Variants in AMMECR1 observed in about 807,000 individuals in gnomAD.
AMMECR1 encodes the protein nuclear protein AMMECR1.
A neutral mutation model predicts 22.5 loss-of-function variants in AMMECR1; 3 were observed. The observed-to-expected ratio is 0.13, with a 90% CI of 0.06 to 0.35. The LOEUF is 0.35. AMMECR1 is among the 10% of genes least tolerant of loss of function. The probability of loss-of-function intolerance (pLI) is 1.00; values close to 1 mark genes in which losing one functional copy is unlikely to be tolerated. For missense variants in AMMECR1, 235 were observed against 278.7 expected, an observed-to-expected ratio of 0.84 and a Z score of 1.12; for synonymous variants, 130 against 116.7, an observed-to-expected ratio of 1.11 and a Z score of -0.74.
chrX:110,383,461 C>CT (rs1222619932), intron 2 of AMMECR1, among the ~76,000 whole-genome samples: 1 of 111,322 alleles, frequency 9.0e-6, no homozygotes, highest in African/African-American at 3.3e-5. Flanking sequence ...AATTCTTCTA[C>CT]TGTATATAAG....
chrX:110,366,172 G>A (rs1339639979), intron 2 of AMMECR1, among the ~76,000 whole-genome samples: 3 of 111,643 alleles, frequency 2.7e-5, no homozygotes, highest in Admixed American at 9.5e-5. Context: ...TCCCCAACAT[G>A]ATTCCTAAGC....
rs1172026271 is a variant in AMMECR1 at position 110,240,549 on chromosome X, A to G, written c.585-23917T>C. ...AGCTAACTATCCTAAATATATATGCACCCAATACAGGACCACCGAGATTCA... is the reference window on the plus strand; with the variant it reads ...AGCTAACTATCCTAAATATATATGCGCCCAATACAGGACCACCGAGATTCA... On this transcript the variant is annotated intron_variant, in intron 2 of 5. Coordinates refer to ENST00000262844, the MANE Select transcript of AMMECR1 (RefSeq NM_015365.3). Among the ~76,000 whole-genome samples the G allele has an allele frequency of 9.4e-5, 8 of 85,033 alleles. No individual in the cohort carries two copies. In the Admixed American group the frequency reaches 1.0e-3, roughly 11 times the overall value. The allele number at this position is 85,033 out of a possible 115,157, so 73.8% of individuals were successfully genotyped here. A position where few individuals can be genotyped will look rare whatever the true frequency, so the allele number is the denominator to read the frequency against.
At chrX:110,285,169 C>T (rs759826424) in intron 1 of AMMECR1, among the ~76,000 whole-genome samples, 9 of 112,033 alleles carry the variant, frequency 8.0e-5, no homozygotes, top group African/African-American at 2.3e-4. Context: ...CCTAGAACAC[C>T]ATAAGTACTG....
chrX:110,229,677 G>A (rs1174171802), intron 2 of AMMECR1, among the ~76,000 whole-genome samples: 1 of 112,303 alleles, frequency 8.9e-6, no homozygotes, highest in African/African-American at 3.2e-5. Context: ...ACAGCCCACG[G>A]AGGGCGAGCT....
intron 3 of AMMECR1, among the ~76,000 whole-genome samples, chrX:110,205,986 C>G (rs924201535): frequency 6.2e-5 from 7 of 112,197 alleles, no homozygotes; most frequent in Admixed American, 1.9e-4. Context: ...ATTATACAAT[C>G]TTTTGTTTTT....
At chrX:110,430,094 C>T (rs540298589) in intron 1 of AMMECR1, among the ~76,000 whole-genome samples, 158 of 112,412 alleles carry the variant, frequency 1.4e-3, no homozygotes, top group African/African-American at 4.8e-3. Context: ...TCCAGGAGTT[C>T]TTCCAGTGAA....
chrX:110,214,249 C>T (rs1337617661), intron 3 of AMMECR1, among the ~76,000 whole-genome samples: 1 of 107,858 alleles, frequency 9.3e-6, no homozygotes, highest in Non-Finnish European at 1.9e-5. Flanking sequence ...GGCGACTGAG[C>T]GAGACTCTGT....
chrX:110,266,760 T>C (rs2148199829), intron 1 of AMMECR1, among the ~76,000 whole-genome samples: 1 of 109,232 alleles, frequency 9.2e-6, no homozygotes, highest in African/African-American at 3.3e-5. Context: ...ACATTAGGTA[T>C]ACAGGGGCCA....
intron 1 of AMMECR1, among the ~76,000 whole-genome samples, chrX:110,296,257 C>T (rs1380821115): frequency 2.7e-5 from 3 of 112,077 alleles, no homozygotes; most frequent in African/African-American, 9.7e-5. Flanking sequence ...CCAGTTTCTG[C>T]TGAGAAATTA....
upstream of AMMECR1, chrX:110,318,092 G>A: frequency 2.6e-6 from 3 of 1,165,461 alleles, no homozygotes; most frequent in Non-Finnish European, 3.4e-6. Flanking sequence ...TCTCCCCCAC[G>A]CAGCGTTTCC....
intron 3 of AMMECR1, among the ~76,000 whole-genome samples, chrX:110,214,125 T>C (rs1318003072): frequency 4.5e-5 from 5 of 110,100 alleles, no homozygotes; most frequent in Non-Finnish European, 9.5e-5. Context: ...TAGCCAGTCA[T>C]AGTGGTGGGC....
rs777610803 is a variant in AMMECR1, at chrX:110,318,060, A to G, written c.12T>C (p.Gly4=). 23 of 1,196,522 alleles carry G rather than the reference A, an allele frequency of 1.9e-5. No individual in the cohort carries two copies. The highest frequency in any genetic ancestry group is 2.6e-5 in the Non-Finnish European group (23 of 889,217). Residue 4 remains glycine, a synonymous_variant, in exon 1 of 6, where the codon GGT becomes GGC. Coordinates refer to ENST00000262844, the MANE Select transcript of AMMECR1 (RefSeq NM_015365.3). The part of the protein sequence containing the change: MAA[G]CCGVKKQKLS... ...GTTTCTGCTTCTTCACCCCGCAGCAACCCGCCGCCATCTTGGAACAGTCTC... is the reference window on the plus strand; with the variant it reads ...GTTTCTGCTTCTTCACCCCGCAGCAGCCCGCCGCCATCTTGGAACAGTCTC...
chrX:110,417,213 C>T (rs948256999), intron 2 of AMMECR1, among the ~76,000 whole-genome samples: 1 of 112,170 alleles, frequency 8.9e-6, no homozygotes, highest in African/African-American at 3.2e-5. Context: ...AGAGCCAGGC[C>T]TAGACAATGG....
intron 5 of AMMECR1, among the ~76,000 whole-genome samples, chrX:110,199,323 C>T (rs1377220242): frequency 9.0e-6 from 1 of 110,849 alleles, no homozygotes; most frequent in East Asian, 2.8e-4. Context: ...CTGGTTCTCC[C>T]CTGCCTCTCA....
chrX:110,233,642 T>C (rs1166888399), intron 2 of AMMECR1, among the ~76,000 whole-genome samples: 2 of 112,223 alleles, frequency 1.8e-5, no homozygotes, highest in East Asian at 5.6e-4. Context: ...CACGACCAAG[T>C]TGGCTTCATC....
intron 2 of AMMECR1, among the ~76,000 whole-genome samples, chrX:110,257,501 T>C (rs1266288772): frequency 8.9e-6 from 1 of 111,889 alleles, no homozygotes; most frequent in Non-Finnish European, 1.9e-5. Flanking sequence ...CTTTAAAATA[T>C]GTATTACAAA....
Position 110,345,178 on chromosome X carries a change from A to C in AMMECR1, c.-147-27329T>G, listed in dbSNP as rs1327629258. 2.7e-5 allele frequency among the ~76,000 whole-genome samples: 3 copies of C among 112,030 alleles called. No individual in the cohort carries two copies. The East Asian group carries it at 8.3e-4, about 31-fold the overall frequency. ...TACTATGCAGCCATAAAAAATGATG[A>C]GTTTATGTCCTTTGTAGGCACATGG... On this transcript the variant is annotated intron_variant, in intron 2 of 7. Transcript: ENST00000372057.
At chrX:110,385,884 G>A (rs2148280286) in intron 2 of AMMECR1, among the ~76,000 whole-genome samples, 1 of 111,549 alleles carries the variant, frequency 9.0e-6, no homozygotes, top group African/African-American at 3.3e-5. Context: ...TGTACCCAGT[G>A]TTTAGCTCCC....
At chrX:110,428,255 G>T (rs2068768837) in intron 1 of AMMECR1, among the ~76,000 whole-genome samples, 1 of 111,357 alleles carries the variant, frequency 9.0e-6, no homozygotes, top group Non-Finnish European at 1.9e-5. Flanking sequence ...CTTTCTCTAG[G>T]CTCCCGCAAC....
Sources: allele counts gnomAD v4.1 joint callset (sites outside exome capture counted in the v4.1 genomes callset), GRCh38; gene constraint gnomAD v4.1.1; transcripts MANE v1.5; gene names NCBI Gene and HGNC (gene_info 2026-07-23, HGNC 2026-07-21).